GLI2: variants seen among roughly 807,000 people sequenced by gnomAD.
GLI2 encodes the protein GLI family zinc finger 2.
In GLI2, 22 loss-of-function variants were observed where a neutral mutation model predicts 78.9. The observed-to-expected ratio is 0.28, with a 90% CI of 0.20 to 0.40. GLI2 has a LOEUF of 0.40. Ranked by LOEUF, GLI2 falls within the 10% of genes least tolerant of loss-of-function variation. The probability of loss-of-function intolerance (pLI) is 1.00; values close to 1 mark genes in which losing one functional copy is unlikely to be tolerated. For synonymous variants in GLI2, 974 were observed against 963.7 expected, an observed-to-expected ratio of 1.01 and a Z score of -0.20; for missense variants, 2,097 against 2,213.2, an observed-to-expected ratio of 0.95 and a Z score of 1.05.
intron 2 of GLI2, among the ~76,000 whole-genome samples, chr2:120,853,161 G>T (rs1687490053): frequency 1.3e-5 from 2 of 152,306 alleles, no homozygotes; most frequent in Admixed American, 6.5e-5. Flanking sequence ...GGGGGCTGGA[G>T]GGGGGTAGGT....
At chr2:120,764,416 T>C (rs929434218) in intron 1 of GLI2, among the ~76,000 whole-genome samples, 3 of 151,596 alleles carry the variant, frequency 2.0e-5, no homozygotes, top group African/African-American at 7.3e-5. Context: ...CAGGTGTTTC[T>C]GTGAATGCTT....
Position 120,841,638 on chromosome 2 carries a change from G to C in GLI2, c.148+44170G>C, listed in dbSNP as rs116639094. The stretch of plus-strand genomic sequence containing the variant: ...GAGGGTCTTCTGTGTGCCCAGCACT[G>C]TCCTGGGCACTGTTTAAAACATTGC... On this transcript the variant is annotated intron_variant, in intron 2 of 13. Transcript: ENST00000361492. Among the ~76,000 whole-genome samples the C allele has an allele frequency of 5.9e-3, 906 of 152,330 alleles. 9 individuals carry two copies. Among genetic ancestry groups the C allele is most frequent in the African/African-American group, 0.02 (850 of 41,568 alleles).
intron 1 of GLI2, among the ~76,000 whole-genome samples, chr2:120,781,775 C>T (rs868531160): frequency 1.1e-4 from 17 of 151,554 alleles, no homozygotes; most frequent in South Asian, 6.3e-4. Flanking sequence ...CCTGGCTACT[C>T]GGGAGGCTGA....
At chr2:120,742,640 CT>C (rs1330539776) in intron 1 of GLI2, among the ~76,000 whole-genome samples, 1 of 147,802 alleles carries the variant, frequency 6.8e-6, no homozygotes, top group Non-Finnish European at 1.5e-5. Context: ...TCCTCAAATC[CT>C]TTTCCATCTC....
chr2:120,931,279 T>A (rs1213697105), intron 3 of GLI2, among the ~76,000 whole-genome samples: 1 of 152,216 alleles, frequency 6.6e-6, no homozygotes, highest in Non-Finnish European at 1.5e-5. Flanking sequence ...TACAGCCCCG[T>A]CCTCACACAC....
At chr2:120,974,903 C>G in intron 8 of GLI2, 72 bp from the exon 9 acceptor site, 1 of 1,613,380 alleles carries the variant, frequency 6.2e-7, no homozygotes, top group Non-Finnish European at 8.5e-7. Flanking sequence ...ATGCATGGGA[C>G]TAACAGCGAC....
chr2:120,947,773 G>A (rs951733615), intron 3 of GLI2, among the ~76,000 whole-genome samples: 21 of 152,362 alleles, frequency 1.4e-4, no homozygotes, highest in African/African-American at 4.8e-4. Context: ...TAGGAAGCCA[G>A]TGCCCTTGAA....
intron 5 of GLI2, among the ~76,000 whole-genome samples, chr2:120,966,593 G>C (rs1020455178): frequency 6.6e-6 from 1 of 152,224 alleles, no homozygotes; most frequent in African/African-American, 2.4e-5. Flanking sequence ...CCTTGGAGAG[G>C]TGCTTCTCCT....
chr2:120,954,453 CCT>C (rs565238647), intron 4 of GLI2, among the ~76,000 whole-genome samples: 52 of 152,242 alleles, frequency 3.4e-4, no homozygotes, highest in African/African-American at 1.2e-3. Context: ...GGCCTGGTCT[CCT>C]CTCTCTGCCA....
At chr2:120,785,567 C>G (rs1322524745) in intron 1 of GLI2, among the ~76,000 whole-genome samples, 1 of 152,162 alleles carries the variant, frequency 6.6e-6, no homozygotes, top group Non-Finnish European at 1.5e-5. Flanking sequence ...TCCCTGGAGC[C>G]TCGAGAAGCA....
intron 2 of GLI2, among the ~76,000 whole-genome samples, chr2:120,878,794 G>A (rs751409817): frequency 1.1e-4 from 17 of 151,970 alleles, no homozygotes; most frequent in Non-Finnish European, 1.9e-4. Context: ...TTAGCCGGGC[G>A]TGGTGGTGCG....
chr2:120,803,509 G>A (rs1262697020), intron 2 of GLI2, among the ~76,000 whole-genome samples: 7 of 152,302 alleles, frequency 4.6e-5, no homozygotes, highest in Non-Finnish European at 8.8e-5. Flanking sequence ...CTGCTGACCC[G>A]TTGAGGCTGA....
chr2:120,926,221 T>A (rs76558151), intron 2 of GLI2, among the ~76,000 whole-genome samples: 5,906 of 152,042 alleles, frequency 0.039, 350 homozygotes, highest in African/African-American at 0.13. Flanking sequence ...TTTTTCTATA[T>A]TTTTTTGTTT....
At chr2:120,885,170 T>C (rs967197684) in intron 2 of GLI2, among the ~76,000 whole-genome samples, 1 of 152,188 alleles carries the variant, frequency 6.6e-6, no homozygotes, top group Non-Finnish European at 1.5e-5. Flanking sequence ...AGATCTCCCT[T>C]CTGCACATCA....
At chr2:120,879,373 A>G (rs1676992851) in intron 2 of GLI2, among the ~76,000 whole-genome samples, 1 of 152,204 alleles carries the variant, frequency 6.6e-6, no homozygotes, top group Non-Finnish European at 1.5e-5. Context: ...GCCCAGCTTC[A>G]GAGCTTGGGT....
At chr2:120,859,490 C>G (rs1196079656) in intron 2 of GLI2, among the ~76,000 whole-genome samples, 1 of 140,136 alleles carries the variant, frequency 7.1e-6, no homozygotes, top group African/African-American at 2.7e-5. Flanking sequence ...GAGTCTCGCT[C>G]TGTCACCAGG....
In GLI2 at chr2:120,864,027, A is replaced by C. The variant is rs373105509; in HGVS notation, c.149-63334A>C. 3.9e-5 allele frequency among the ~76,000 whole-genome samples: 6 copies of C among 152,310 alleles called. No homozygotes were observed. The East Asian group carries it at 7.7e-4, about 20-fold the overall frequency. On this transcript the variant is annotated intron_variant, in intron 2 of 13. Coordinates refer to ENST00000361492, the MANE Select transcript of GLI2 (RefSeq NM_001374353.1). ...GGCTGGAGAAGTAGACAAATTCCCA[A>C]GGGCAGTCACTGGACTTAGAGGTTA...
intron 2 of GLI2, among the ~76,000 whole-genome samples, chr2:120,896,381 C>G (rs2104765815): frequency 6.6e-6 from 1 of 152,294 alleles, no homozygotes; most frequent in African/African-American, 2.4e-5. Flanking sequence ...GGGGCCCTGT[C>G]TTCCCTGCCT....
In GLI2 at chr2:120,988,559, C is replaced by T; in HGVS notation, c.2594C>T (p.Thr865Met). ...GGCGGCTCCGGGCTGCTCAACCTCA[C>T]GCCGGCGCAGCAGTACAGCCTGCGG... ...CSGGSGLLNL[T>M]PAQQYSLRAK... Residue 865 changes from threonine to methionine, a missense_variant, in exon 14 of 14, where the codon ACG becomes ATG. Transcript: ENST00000361492. 1.3e-6 allele frequency: 2 copies of T among 1,499,958 alleles called. No individual in the cohort carries two copies. Among genetic ancestry groups the T allele is most frequent in the South Asian group, 1.2e-5 (1 of 80,806 alleles). 92.9% of individuals were successfully genotyped at this position (1,499,958 alleles called of 1,614,324 possible). A position where few individuals can be genotyped will look rare whatever the true frequency, so the allele number is the denominator to read the frequency against.
Sources: allele counts gnomAD v4.1 joint callset (sites outside exome capture counted in the v4.1 genomes callset), GRCh38; gene constraint gnomAD v4.1.1; transcripts MANE v1.5; gene names NCBI Gene and HGNC (gene_info 2026-07-23, HGNC 2026-07-21).